Variants in PCDH9 observed in about 807,000 individuals in gnomAD.
PCDH9 encodes protocadherin-9.
A neutral mutation model predicts 70.6 loss-of-function variants in PCDH9; 24 were observed. The observed-to-expected ratio is 0.34, with a 90% CI of 0.25 to 0.48. The LOEUF (loss-of-function observed/expected upper bound fraction) is 0.48. PCDH9 is among the 20% of genes least tolerant of loss of function. The pLI, the probability that PCDH9 is intolerant of heterozygous loss-of-function variation, is 0.99. For synonymous variants in PCDH9, 562 were observed against 558.5 expected (o/e 1.01, Z -0.09); for missense variants, 1,281 against 1,503.6 (o/e 0.85, Z 2.45).
intron 3 of PCDH9, among the ~76,000 whole-genome samples, chr13:66,828,308 T>C (rs1317284623): frequency 6.6e-6 from 1 of 152,220 alleles, no homozygotes; most frequent in Non-Finnish European, 1.5e-5. Flanking sequence ...TGATAATTTC[T>C]GCATTCCACT....
In PCDH9 at chr13:66,304,553, T is replaced by G; in HGVS notation, c.*102A>C. On this transcript the variant is annotated 3_prime_UTR_variant, in exon 5 of 5. Transcript: ENST00000377865. Reference sequence around the variant, plus strand: ...AACACAAAGTTATAGGTATCCCTGCTAGAAGGGGCATAGTTGTAGAGATCT... The same window carrying G: ...AACACAAAGTTATAGGTATCCCTGCGAGAAGGGGCATAGTTGTAGAGATCT... 1.1e-6 allele frequency: 1 copy of G among 895,112 alleles called. No individual in the cohort carries two copies. The highest frequency in any genetic ancestry group is 1.8e-6 in the Non-Finnish European group (1 of 569,124). 55.4% of individuals were successfully genotyped at this position (895,112 alleles called of 1,614,324 possible).
chr13:67,047,933 G>T (rs907985850), intron 2 of PCDH9, among the ~76,000 whole-genome samples: 1 of 152,070 alleles, frequency 6.6e-6, no homozygotes, highest in East Asian at 1.9e-4. Flanking sequence ...TTTATGAACC[G>T]GATTTCCTTG....
At chr13:66,713,570 T>A (rs2078823220) in intron 3 of PCDH9, among the ~76,000 whole-genome samples, 1 of 147,174 alleles carries the variant, frequency 6.8e-6, no homozygotes, top group South Asian at 2.1e-4. Flanking sequence ...AAAGCCTAAT[T>A]ACATATATAT....
At chr13:66,744,977 G>A (rs1007129703) in intron 3 of PCDH9, among the ~76,000 whole-genome samples, 1 of 152,010 alleles carries the variant, frequency 6.6e-6, no homozygotes, top group Admixed American at 6.6e-5. Flanking sequence ...TATATGAAAT[G>A]AGCACGTAAT....
intron 2 of PCDH9, among the ~76,000 whole-genome samples, chr13:67,077,885 A>G (rs538380372): frequency 2.6e-5 from 4 of 152,270 alleles, no homozygotes; most frequent in African/African-American, 7.2e-5. Flanking sequence ...ATCGATTTAG[A>G]TATAGTCCTA....
chr13:67,070,931 T>C (rs1413571389), intron 2 of PCDH9, among the ~76,000 whole-genome samples: 1 of 152,182 alleles, frequency 6.6e-6, no homozygotes, highest in Non-Finnish European at 1.5e-5. Context: ...TTGTCTGTAT[T>C]TTTATCAAGC....
At chr13:66,820,825 C>T (rs571374553) in intron 3 of PCDH9, among the ~76,000 whole-genome samples, 3 of 152,102 alleles carry the variant, frequency 2.0e-5, no homozygotes, top group African/African-American at 4.8e-5. Flanking sequence ...GAGCAACACA[C>T]TAGGGCCTGT....
At chr13:66,699,500 G>T (rs952745452) in intron 3 of PCDH9, among the ~76,000 whole-genome samples, 1 of 152,078 alleles carries the variant, frequency 6.6e-6, no homozygotes, top group African/African-American at 2.4e-5. Context: ...ACAAGTGTCC[G>T]TATAAGACAC....
chr13:66,512,808 C>T (rs1959544813), intron 4 of PCDH9, among the ~76,000 whole-genome samples: 1 of 151,800 alleles, frequency 6.6e-6, no homozygotes, highest in African/African-American at 2.4e-5. Context: ...TCTTTTCTTT[C>T]TTTCTTTTTT....
rs373835682 is a variant in PCDH9, at chr13:66,649,423, G to GA, written c.3139-18013dup. Among the ~76,000 whole-genome samples the GA allele has an allele frequency of 7.0e-3, 1,051 of 150,086 alleles. 12 individuals carry two copies. The highest frequency in any genetic ancestry group is 0.024 in the African/African-American group (986 of 40,934). On this transcript the variant is annotated intron_variant, in intron 3 of 4. Transcript: ENST00000377865. Reference sequence around the variant, plus strand: ...GGCATGACATATTTGAAGTGCAAAAGAAAAAAAAACTTTTATCCTAGAACA... The same window carrying GA: ...GGCATGACATATTTGAAGTGCAAAAGAAAAAAAAAACTTTTATCCTAGAACA...
intron 3 of PCDH9, among the ~76,000 whole-genome samples, chr13:66,901,851 T>G (rs2082281197): frequency 6.6e-6 from 1 of 151,744 alleles, no homozygotes; most frequent in African/African-American, 2.4e-5. Flanking sequence ...AGGGATTTTC[T>G]GAGGAATATG....
chr13:66,775,865 T>A (rs2079883625), intron 3 of PCDH9, among the ~76,000 whole-genome samples: 1 of 152,090 alleles, frequency 6.6e-6, no homozygotes, highest in Non-Finnish European at 1.5e-5. Flanking sequence ...TTCAACTGTG[T>A]TGACCCTTTA....
chr13:66,973,508 T>C (rs1178573801), intron 2 of PCDH9, among the ~76,000 whole-genome samples: 2 of 151,870 alleles, frequency 1.3e-5, no homozygotes, highest in Non-Finnish European at 2.9e-5. Flanking sequence ...AAGGAAGAGG[T>C]GACAGAATGG....
intron 3 of PCDH9, among the ~76,000 whole-genome samples, chr13:66,837,527 T>A (rs983485547): frequency 1.2e-4 from 19 of 152,190 alleles, no homozygotes; most frequent in South Asian, 2.1e-4. Flanking sequence ...ATGACTTTAC[T>A]GCCCTCCTTT....
rs528658884 is a variant in PCDH9 at position 66,579,756 on chromosome 13, C to A, written c.3340+51454G>T. On this transcript the variant is annotated intron_variant, in intron 4 of 4. Transcript: ENST00000377865. ...AGGCACACAGTAGGCTCTTAAATAT[C>A]TGAGGAGAAAAAGAAGGATAAAAGG... Among the ~76,000 whole-genome samples the A allele has an allele frequency of 2.0e-5, 3 of 152,008 alleles. No homozygotes were observed. The East Asian group carries it at 5.8e-4, about 29-fold the overall frequency.
intron 4 of PCDH9, among the ~76,000 whole-genome samples, chr13:66,521,836 T>G (rs1215056107): frequency 6.6e-6 from 1 of 152,042 alleles, no homozygotes; most frequent in Non-Finnish European, 1.5e-5. Flanking sequence ...AGTATATCTA[T>G]GAAAGAACTG....
intron 4 of PCDH9, among the ~76,000 whole-genome samples, chr13:66,537,642 G>C (rs1173039106): frequency 1.3e-5 from 2 of 152,030 alleles, no homozygotes; most frequent in Non-Finnish European, 2.9e-5. Context: ...GCTTAGGTCT[G>C]AATTACACAG....
At chr13:66,416,326 A>AT (rs904523668) in intron 4 of PCDH9, among the ~76,000 whole-genome samples, 34 of 151,886 alleles carry the variant, frequency 2.2e-4, no homozygotes, top group Admixed American at 6.6e-4. Context: ...ACAGAAAAAA[A>AT]AAAAAGGAAA....
At position 66,699,784 on chromosome 13, in the gene PCDH9, C is replaced by T. The variant is rs146663170; in HGVS notation, c.3139-68373G>A. On this transcript the variant is annotated intron_variant, in intron 3 of 4. Coordinates refer to ENST00000377865, the MANE Select transcript of PCDH9 (RefSeq NM_203487.3). ...TTGGTGGTCATTTGCTATGGCCACCCCACAACATTACTACCAAAGGCAAAT... is the reference window on the plus strand; with the variant it reads ...TTGGTGGTCATTTGCTATGGCCACCTCACAACATTACTACCAAAGGCAAAT... Among the ~76,000 whole-genome samples the T allele has an allele frequency of 5.1e-3, 773 of 152,140 alleles. 6 individuals carry two copies. The highest frequency in any genetic ancestry group is 0.018 in the African/African-American group (753 of 41,508).
Sources: allele counts gnomAD v4.1 joint callset (sites outside exome capture counted in the v4.1 genomes callset), GRCh38; gene constraint gnomAD v4.1.1; transcripts MANE v1.5; gene names NCBI Gene and HGNC (gene_info 2026-07-23, HGNC 2026-07-21).